Variants in CADM2 observed in about 807,000 individuals in gnomAD.
The protein encoded by CADM2 is cell adhesion molecule 2.
Under a neutral mutation model 49.8 loss-of-function variants are expected in CADM2, and 12 were observed. That is an observed-to-expected ratio of 0.24 (90% CI 0.15 to 0.39). CADM2 has a LOEUF of 0.39. Ranked by LOEUF, CADM2 falls within the 10% of genes least tolerant of loss-of-function variation. The pLI is 1.00. For missense variants in CADM2, 378 were observed against 492.3 expected, an observed-to-expected ratio of 0.77 and a Z score of 2.20; for synonymous variants, 214 against 175.4, an observed-to-expected ratio of 1.22 and a Z score of -1.74.
At chr3:85,425,708 C>G (rs2036368634) in intron 1 of CADM2, among the ~76,000 whole-genome samples, 1 of 152,152 alleles carries the variant, frequency 6.6e-6, no homozygotes, top group Admixed American at 6.6e-5. Context: ...AGATCCAACA[C>G]CAGGTCTTGG....
intron 3 of CADM2, among the ~76,000 whole-genome samples, chr3:85,840,035 A>G (rs1054129813): frequency 2.6e-5 from 4 of 151,782 alleles, no homozygotes; most frequent in Admixed American, 6.6e-5. Flanking sequence ...TATATAATTT[A>G]CCAGTTCACT....
intron 1 of CADM2, among the ~76,000 whole-genome samples, chr3:85,173,080 C>T (rs1260458660): frequency 3.3e-5 from 5 of 150,304 alleles, no homozygotes; most frequent in South Asian, 2.1e-4. Flanking sequence ...CTGCAAGCTC[C>T]GCCTCCTGGG....
intron 1 of CADM2, among the ~76,000 whole-genome samples, chr3:85,330,948 T>A (rs2044905067): frequency 6.6e-6 from 1 of 152,076 alleles, no homozygotes; most frequent in African/African-American, 2.4e-5. Flanking sequence ...CATGACAGAG[T>A]CAGACCCTGT....
rs568426022 is a variant in CADM2 at position 86,039,144 on chromosome 3, C to T, written c.971-26461C>T. Among the ~76,000 whole-genome samples, 45 of 152,202 alleles carry T rather than the reference C, an allele frequency of 3.0e-4. No homozygotes were observed. The South Asian group carries it at 4.1e-3, about 14-fold the overall frequency. ...AGTCTACAGCTCCCAGCATGAGCGA[C>T]GCAGAAGATGGGTGATTTCTGCATG... is the stretch of plus-strand genomic sequence containing the variant. On this transcript the variant is annotated intron_variant, in intron 8 of 9. Transcript: ENST00000383699.
intron 1 of CADM2, among the ~76,000 whole-genome samples, chr3:85,134,706 C>T (rs1023176250): frequency 6.6e-6 from 1 of 151,908 alleles, no homozygotes; most frequent in African/African-American, 2.4e-5. Context: ...CACAGCTAAT[C>T]GATTGTCCAC....
In CADM2 at chr3:85,327,554, CCACA is replaced by C. The variant is rs71108276; in HGVS notation, c.61+367918_61+367921del. ...TATAGGCATGAGCCACCATGCCCGG[CCACA>C]CACACACACACACACACACACACAC... On this transcript the variant is annotated intron_variant, in intron 1 of 9. Transcript: ENST00000383699. 2.5e-3 allele frequency among the ~76,000 whole-genome samples: 338 copies of C among 137,174 alleles called. 2 individuals are homozygous for C. The highest frequency in any genetic ancestry group is 7.4e-3 in the Middle Eastern group (2 of 272). The allele number at this position is 137,174 out of a possible 152,430, so 90.0% of individuals were successfully genotyped here. A position where few individuals can be genotyped will look rare whatever the true frequency, so the allele number is the denominator to read the frequency against.
At chr3:85,067,116 GC>G (rs2036554893) in intron 1 of CADM2, among the ~76,000 whole-genome samples, 1 of 152,008 alleles carries the variant, frequency 6.6e-6, no homozygotes, top group South Asian at 2.1e-4. Flanking sequence ...TACTCTACTG[GC>G]TTATTGATTG....
chr3:85,425,999 C>T lies in CADM2; in HGVS notation c.62-300523C>T, dbSNP rs371193779. 1.2e-3 allele frequency among the ~76,000 whole-genome samples: 181 copies of T among 152,240 alleles called. 2 individuals carry two copies. In the South Asian group the frequency reaches 0.019, roughly 16 times the overall value. On this transcript the variant is annotated intron_variant, in intron 1 of 9. Transcript: ENST00000383699. ...AGAGCCTAAGAAGGCTAGAAGCAAACGGCCAGCAAGTCTAGACACATTCCA... is the reference window on the plus strand; with the variant it reads ...AGAGCCTAAGAAGGCTAGAAGCAAATGGCCAGCAAGTCTAGACACATTCCA...
intron 6 of CADM2, among the ~76,000 whole-genome samples, chr3:85,929,234 C>T (rs1720295370): frequency 6.6e-6 from 1 of 152,014 alleles, no homozygotes; most frequent in South Asian, 2.1e-4. Flanking sequence ...ACACCTTGCT[C>T]CTACAGAGGA....
intron 1 of CADM2, among the ~76,000 whole-genome samples, chr3:85,456,317 A>G (rs897975390): frequency 6.6e-6 from 1 of 152,174 alleles, no homozygotes; most frequent in African/African-American, 2.4e-5. Context: ...CTGACCCTGT[A>G]TCTACTTGAA....
intron 2 of CADM2, among the ~76,000 whole-genome samples, chr3:85,744,109 G>T (rs1031331506): frequency 1.3e-5 from 2 of 152,096 alleles, no homozygotes; most frequent in African/African-American, 2.4e-5. Context: ...GAAAACACAA[G>T]GAAGGGATCT....
At chr3:85,470,907 T>C (rs1478864680) in intron 1 of CADM2, among the ~76,000 whole-genome samples, 1 of 152,142 alleles carries the variant, frequency 6.6e-6, no homozygotes, top group Non-Finnish European at 1.5e-5. Context: ...ACCAATTAAC[T>C]GGAAAAATAT....
chr3:85,192,578 A>G (rs1165041679), intron 1 of CADM2, among the ~76,000 whole-genome samples: 1 of 113,980 alleles, frequency 8.8e-6, no homozygotes, highest in Non-Finnish European at 1.7e-5. Flanking sequence ...ATGTACATAT[A>G]CACACACATA....
intron 8 of CADM2, among the ~76,000 whole-genome samples, chr3:85,990,201 A>G (rs1728617411): frequency 6.6e-6 from 1 of 152,068 alleles, no homozygotes; most frequent in African/African-American, 2.4e-5. Flanking sequence ...AGTAGAATCC[A>G]TACTTTGAGT....
chr3:85,475,105 C>T (rs957467501), intron 1 of CADM2, among the ~76,000 whole-genome samples: 1 of 151,818 alleles, frequency 6.6e-6, no homozygotes, highest in Non-Finnish European at 1.5e-5. Context: ...CAATTTTTTC[C>T]TCCCATGGAG....
At chr3:85,685,625 T>G (rs1445277797) in intron 1 of CADM2, among the ~76,000 whole-genome samples, 1 of 148,638 alleles carries the variant, frequency 6.7e-6, no homozygotes, top group Non-Finnish European at 1.5e-5. Context: ...CTTTTTTTTT[T>G]TTTTTTTTTT....
intron 2 of CADM2, among the ~76,000 whole-genome samples, chr3:85,745,351 G>T (rs72914830): frequency 6.6e-6 from 1 of 151,986 alleles, no homozygotes; most frequent in Non-Finnish European, 1.5e-5. Flanking sequence ...TCCTGACTGT[G>T]TGTCTTCTTT....
chr3:85,752,010 T>G (rs2068880521), intron 2 of CADM2, among the ~76,000 whole-genome samples: 1 of 152,020 alleles, frequency 6.6e-6, no homozygotes, highest in Admixed American at 6.6e-5. Context: ...ACACTCAACT[T>G]TAAGATAATT....
chr3:85,462,135 T>C (rs1000688554), intron 1 of CADM2, among the ~76,000 whole-genome samples: 5 of 152,176 alleles, frequency 3.3e-5, no homozygotes, highest in African/African-American at 1.2e-4. Context: ...ATCTAATCTA[T>C]GATTTTTGTC....
Sources: allele counts gnomAD v4.1 joint callset (sites outside exome capture counted in the v4.1 genomes callset), GRCh38; gene constraint gnomAD v4.1.1; transcripts MANE v1.5; gene names NCBI Gene and HGNC (gene_info 2026-07-23, HGNC 2026-07-21).